The following FCHSD2 variants were observed in gnomAD, a reference collection of about 807,000 sequenced individuals.
FCHSD2 encodes FCH and double SH3 domains 2, also known as F-BAR and double SH3 domains protein 2.
A neutral mutation model predicts 108.1 loss-of-function variants in FCHSD2; 38 were observed. The ratio of observed to expected loss-of-function variants is 0.35; its 90% confidence interval spans 0.27 to 0.46. FCHSD2 has a LOEUF of 0.46. FCHSD2 is among the 20% of genes least tolerant of loss of function. The pLI, the probability that FCHSD2 is intolerant of heterozygous loss-of-function variation, is 1.00. For synonymous variants in FCHSD2, 279 were observed against 314.7 expected, an observed-to-expected ratio of 0.89 and a Z score of 1.20; for missense variants, 751 against 897.8, an observed-to-expected ratio of 0.84 and a Z score of 2.09.
At chr11:73,024,281 C>T (rs1031169703) in intron 3 of FCHSD2, among the ~76,000 whole-genome samples, 3 of 151,964 alleles carry the variant, frequency 2.0e-5, no homozygotes, top group Non-Finnish European at 2.9e-5. Context: ...AATGAAGGGG[C>T]AAATTTTATA....
intron 13 of FCHSD2, among the ~76,000 whole-genome samples, chr11:72,852,039 G>A (rs1287374702): frequency 6.6e-6 from 1 of 151,850 alleles, no homozygotes; most frequent in African/African-American, 2.4e-5. Context: ...ACCACACCTG[G>A]CTAATTTTTG....
chr11:73,100,314 A>C (rs1860191150), intron 2 of FCHSD2, among the ~76,000 whole-genome samples: 1 of 151,508 alleles, frequency 6.6e-6, no homozygotes, highest in African/African-American at 2.4e-5. Context: ...GAAGGCACTG[A>C]CCTAAGCGCT....
chr11:72,976,062 T>C (rs747476149), intron 8 of FCHSD2, among the ~76,000 whole-genome samples: 3 of 152,156 alleles, frequency 2.0e-5, no homozygotes, highest in Non-Finnish European at 4.4e-5. Context: ...ACCAGCTGAG[T>C]TGATTTCTGT....
chr11:73,058,941 T>C, intron 3 of FCHSD2, among the ~76,000 whole-genome samples: 1 of 152,178 alleles, frequency 6.6e-6, no homozygotes, highest in Non-Finnish European at 1.5e-5. Flanking sequence ...TATAATTGCA[T>C]ATGAGTTTCC....
intron 3 of FCHSD2, among the ~76,000 whole-genome samples, chr11:73,062,021 C>T (rs889711761): frequency 2.0e-5 from 3 of 152,266 alleles, no homozygotes; most frequent in Admixed American, 2.0e-4. Context: ...CTGGGAGACA[C>T]CTCCCAGTAG....
At chr11:73,016,891 T>C (rs901185893) in intron 3 of FCHSD2, among the ~76,000 whole-genome samples, 1 of 152,220 alleles carries the variant, frequency 6.6e-6, no homozygotes, top group Non-Finnish European at 1.5e-5. Flanking sequence ...TACAGGGATT[T>C]GAATTGAGAA....
At chr11:72,909,007 C>T (rs956744448) in intron 9 of FCHSD2, among the ~76,000 whole-genome samples, 101 of 152,122 alleles carry the variant, frequency 6.6e-4, no homozygotes, top group African/African-American at 2.2e-3. Flanking sequence ...GATCTTTTCC[C>T]CATTTTTAAA....
chr11:72,882,604 G>C (rs1327775703), intron 12 of FCHSD2, among the ~76,000 whole-genome samples: 2 of 152,124 alleles, frequency 1.3e-5, no homozygotes, highest in Non-Finnish European at 2.9e-5. Flanking sequence ...ACTCTAATTT[G>C]ATCATTATAC....
chr11:72,854,020 T>C (rs1394118874), intron 13 of FCHSD2, among the ~76,000 whole-genome samples: 2 of 152,134 alleles, frequency 1.3e-5, no homozygotes, highest in African/African-American at 2.4e-5. Flanking sequence ...CACAATGAGA[T>C]ACCATTTCAC....
At chr11:72,931,436 T>A (rs1207650546) in intron 8 of FCHSD2, among the ~76,000 whole-genome samples, 2 of 149,832 alleles carry the variant, frequency 1.3e-5, no homozygotes, top group South Asian at 4.2e-4. Flanking sequence ...AAAATAAAAA[T>A]TTTAAAAATT....
Position 73,030,602 on chromosome 11 carries a change from A to C in FCHSD2, c.166-14717T>G, listed in dbSNP as rs982943008. 2.6e-5 allele frequency among the ~76,000 whole-genome samples: 4 copies of C among 152,190 alleles called. No homozygotes were observed. The East Asian group carries it at 5.8e-4, about 22-fold the overall frequency. On this transcript the variant is annotated intron_variant, in intron 3 of 19. Transcript: ENST00000409418. ...TAACTTTGTAAAGATGGTGGTGGTCAATACTTTAATCTATTTAAAAACCTC... is the reference window on the plus strand; with the variant it reads ...TAACTTTGTAAAGATGGTGGTGGTCCATACTTTAATCTATTTAAAAACCTC...
intron 3 of FCHSD2, among the ~76,000 whole-genome samples, chr11:73,062,422 C>G (rs1398356449): frequency 1.3e-5 from 2 of 152,176 alleles, no homozygotes; most frequent in Non-Finnish European, 2.9e-5. Context: ...GGGAACAAAA[C>G]TGGATGGAGA....
intron 4 of FCHSD2, among the ~76,000 whole-genome samples, chr11:73,005,254 ACT>A (rs1453757141): frequency 6.6e-6 from 1 of 152,204 alleles, no homozygotes; most frequent in East Asian, 1.9e-4. Flanking sequence ...GTCTAAAATT[ACT>A]GTTTCTACTT....
intron 3 of FCHSD2, among the ~76,000 whole-genome samples, chr11:73,059,624 T>C (rs947858525): frequency 1.2e-4 from 18 of 152,232 alleles, no homozygotes; most frequent in African/African-American, 4.1e-4. Flanking sequence ...AATTAGTCTA[T>C]GAAAATTCAA....
chr11:72,916,300 CTT>C (rs889180267), intron 9 of FCHSD2, among the ~76,000 whole-genome samples: 37 of 120,210 alleles, frequency 3.1e-4, no homozygotes, highest in Admixed American at 3.4e-4. Flanking sequence ...TGGTACACAA[CTT>C]TTTTTTTTTT....
At chr11:73,112,212 G>T (rs1028500874) in intron 2 of FCHSD2, among the ~76,000 whole-genome samples, 2 of 152,094 alleles carry the variant, frequency 1.3e-5, no homozygotes, top group South Asian at 2.1e-4. Context: ...TGTTTGTCTG[G>T]AAAAGCCTTT....
intron 12 of FCHSD2, among the ~76,000 whole-genome samples, chr11:72,879,427 C>T (rs867664084): frequency 6.6e-6 from 1 of 151,826 alleles, no homozygotes; most frequent in Admixed American, 6.6e-5. Context: ...AAAACATGAG[C>T]CAAGACAAAA....
intron 2 of FCHSD2, among the ~76,000 whole-genome samples, chr11:73,129,380 G>A (rs1860938847): frequency 6.6e-6 from 1 of 152,126 alleles, no homozygotes; most frequent in Non-Finnish European, 1.5e-5. Context: ...GCCAAGCTTC[G>A]TCCATACTTA....
chr11:72,862,327 C>T (rs535515722), intron 13 of FCHSD2, among the ~76,000 whole-genome samples: 5 of 152,146 alleles, frequency 3.3e-5, no homozygotes, highest in African/African-American at 1.2e-4. Context: ...GCAGGTGACA[C>T]GGTTATATAG....
Sources: allele counts gnomAD v4.1 joint callset (sites outside exome capture counted in the v4.1 genomes callset), GRCh38; gene constraint gnomAD v4.1.1; transcripts MANE v1.5; gene names NCBI Gene and HGNC (gene_info 2026-07-23, HGNC 2026-07-21).